Variants in MYEF2 observed in about 807,000 individuals in gnomAD.
MYEF2 encodes the protein myelin expression factor 2, also known as myelin gene expression factor 2.
Under a neutral mutation model 75.2 loss-of-function variants are expected in MYEF2, and 37 were observed. The ratio of observed to expected loss-of-function variants is 0.49; its 90% CI spans 0.38 to 0.65. The LOEUF (loss-of-function observed/expected upper bound fraction) is 0.65. Ranked by LOEUF, MYEF2 falls within the 30% of genes least tolerant of loss-of-function variation. The probability of loss-of-function intolerance (pLI) is 0.00; values close to 1 mark genes in which losing one functional copy is unlikely to be tolerated. For missense variants in MYEF2, 634 were observed against 771.4 expected (o/e 0.82, Z 2.11); for synonymous variants, 195 against 241.6 (o/e 0.81, Z 1.79).
At chr15:48,143,758 G>A (rs1347539885) in intron 16 of MYEF2, among the ~76,000 whole-genome samples, 1 of 152,064 alleles carries the variant, frequency 6.6e-6, no homozygotes, top group African/African-American at 2.4e-5. Flanking sequence ...CAGGAAAGAG[G>A]AAGAAAACCA....
Position 48,135,032 on chromosome 15 carries a change from TTC to T in MYEF2, c.*7874_*7875del. ...TGTAAAAATTAGAGATTTTATGAAT[TTC>T]TGATGGTTCAGTAATTTTTTTTCAG... On this transcript the variant is annotated 3_prime_UTR_variant, in exon 17 of 17. Transcript: ENST00000324324. 2 of 1,426,154 alleles carry T rather than the reference TTC, an allele frequency of 1.4e-6. No homozygotes were observed. Among genetic ancestry groups the T allele is most frequent in the Non-Finnish European group, 2.0e-6 (2 of 1,017,400 alleles). The allele number at this position is 1,426,154 out of a possible 1,614,324, so 88.3% of individuals were successfully genotyped here. A position where few individuals can be genotyped will look rare whatever the true frequency, so the allele number is the denominator to read the frequency against.
Position 48,142,252 on chromosome 15 carries a change from A to G in MYEF2, c.*656T>C, listed in dbSNP as rs771982383. 8 of 1,613,602 alleles carry G rather than the reference A, an allele frequency of 5.0e-6. No individual in the cohort carries two copies. The Admixed American group carries it at 1.3e-4, about 27-fold the overall frequency. Reference sequence around the variant, plus strand: ...GCTGGAAACTAGACAGAAAGTTGGGAATAGTCTGCCTATTATCATACTTGG... The same window carrying G: ...GCTGGAAACTAGACAGAAAGTTGGGGATAGTCTGCCTATTATCATACTTGG... On this transcript the variant is annotated 3_prime_UTR_variant, in exon 17 of 17. Transcript: ENST00000324324.
intron 1 of MYEF2, among the ~76,000 whole-genome samples, chr15:48,170,472 T>C (rs1041488052): frequency 3.9e-5 from 6 of 152,152 alleles, no homozygotes; most frequent in Non-Finnish European, 7.4e-5. Flanking sequence ...TTAAAACTAT[T>C]TTAATAACAA....
chr15:48,166,811 T>C (rs2040147828), intron 3 of MYEF2, among the ~76,000 whole-genome samples: 1 of 152,060 alleles, frequency 6.6e-6, no homozygotes, highest in Non-Finnish European at 1.5e-5. Flanking sequence ...TTCTTCAGTA[T>C]ACTGCATTCT....
At position 48,142,381 on chromosome 15, in the gene MYEF2, G is replaced by A; in HGVS notation, c.*527C>T. On this transcript the variant is annotated 3_prime_UTR_variant, in exon 17 of 17. Transcript: ENST00000324324. ...ATTAATAGTGTTATGCAGAAAATAT[G>A]AATGGCAGGGAGGGGCAGAGAGAAA... 1 of 1,387,510 alleles carries A rather than the reference G, an allele frequency of 7.2e-7. No homozygotes were observed. The highest frequency in any genetic ancestry group is 1.4e-5 in the African/African-American group (1 of 69,356). The allele number at this position is 1,387,510 out of a possible 1,614,324, so 85.9% of individuals were successfully genotyped here. A position where few individuals can be genotyped will look rare whatever the true frequency, so the allele number is the denominator to read the frequency against.
At chr15:48,160,423 GT>G (rs1171415055) in intron 5 of MYEF2, among the ~76,000 whole-genome samples, 1 of 150,438 alleles carries the variant, frequency 6.6e-6, no homozygotes, top group Non-Finnish European at 1.5e-5. Context: ...ATTAAACATT[GT>G]TTTTTTGTTA....
rs775536844 is a variant in MYEF2, at chr15:48,151,591, A to G, written c.1208-20T>C. On this transcript the variant is annotated intron_variant, in intron 12 of 16. Coordinates refer to ENST00000324324, the MANE Select transcript of MYEF2 (RefSeq NM_016132.5). ...ACAGCTCTGAAAAAATTGTGCAACA[A>G]ATTAACCTTTTCAAATATATCAATA... 6.3e-7 allele frequency: 1 copy of G among 1,585,132 alleles called. No individual in the cohort carries two copies. Among genetic ancestry groups the G allele is most frequent in the East Asian group, 2.2e-5 (1 of 44,766 alleles).
At position 48,178,258 on chromosome 15, in the gene MYEF2, C is replaced by T; in HGVS notation, c.-21G>A. Reference sequence around the variant, plus strand: ...GCCATCCCGCCGCCGCTGCCTCCGCCTCGGCCGCCTGAGCTGAGGGGCTCC... The same window carrying T: ...GCCATCCCGCCGCCGCTGCCTCCGCTTCGGCCGCCTGAGCTGAGGGGCTCC... On this transcript the variant is annotated 5_prime_UTR_variant, in exon 1 of 17. Transcript: ENST00000324324. 7.2e-7 allele frequency: 1 copy of T among 1,384,324 alleles called. No individual in the cohort carries two copies. The highest frequency in any genetic ancestry group is 9.3e-7 in the Non-Finnish European group (1 of 1,074,576). 85.8% of individuals were successfully genotyped at this position (1,384,324 alleles called of 1,614,324 possible).
chr15:48,164,448 C>T (rs1024281074), intron 5 of MYEF2, among the ~76,000 whole-genome samples: 1 of 152,152 alleles, frequency 6.6e-6, no homozygotes, highest in Non-Finnish European at 1.5e-5. Context: ...GGAATCTACA[C>T]CTGGTGAATA....
At position 48,141,097 on chromosome 15, in the gene MYEF2, T is replaced by C. The variant is rs752761267; in HGVS notation, c.*1811A>G. 3 of 1,584,802 alleles carry C rather than the reference T, an allele frequency of 1.9e-6. No individual in the cohort carries two copies. Among genetic ancestry groups the C allele is most frequent in the Non-Finnish European group, 2.6e-6 (3 of 1,156,030 alleles). The stretch of plus-strand genomic sequence containing the variant: ...AATCTTTAAGATTTGTAACTTGAAA[T>C]ATCTGTTTATTACAGGGGAAACACT... On this transcript the variant is annotated 3_prime_UTR_variant, in exon 17 of 17. Coordinates refer to ENST00000324324, the MANE Select transcript of MYEF2 (RefSeq NM_016132.5).
Position 48,142,099 on chromosome 15 carries a change from A to G in MYEF2, c.*809T>C. On this transcript the variant is annotated 3_prime_UTR_variant, in exon 17 of 17. Transcript: ENST00000324324. ...TTGATATGTTGTGCCTTGGTATTCC[A>G]TGGTTTATTAAAACTGCATTTATAA... The G allele has an allele frequency of 1.9e-6, 3 of 1,613,904 alleles. No homozygotes were observed. Among genetic ancestry groups the G allele is most frequent in the African/African-American group, 1.3e-5 (1 of 75,060 alleles).
At position 48,157,974 on chromosome 15, in the gene MYEF2, C is replaced by T; in HGVS notation, c.985+19G>A. On this transcript the variant is annotated intron_variant, in intron 9 of 16. Coordinates refer to ENST00000324324, the MANE Select transcript of MYEF2 (RefSeq NM_016132.5). ...ACCAAAAAAAGCCTATGTTGTTTCT[C>T]ATAATAGCTTTTACTTACGTGGTAA... is the stretch of plus-strand genomic sequence containing the variant. 2.5e-6 allele frequency: 4 copies of T among 1,612,508 alleles called. No homozygotes were observed. Among genetic ancestry groups the T allele is most frequent in the Non-Finnish European group, 3.4e-6 (4 of 1,179,036 alleles).
intron 5 of MYEF2, among the ~76,000 whole-genome samples, chr15:48,164,081 G>T (rs2040049675): frequency 6.6e-6 from 1 of 152,170 alleles, no homozygotes; most frequent in South Asian, 2.1e-4. Context: ...AATACAATTT[G>T]TAAGGCTATT....
intron 1 of MYEF2, among the ~76,000 whole-genome samples, chr15:48,170,236 C>A (rs1328829278): frequency 6.6e-6 from 1 of 152,062 alleles, no homozygotes; most frequent in African/African-American, 2.4e-5. Context: ...AGGAATTCTC[C>A]TTCCTCAGCC....
Position 48,136,760 on chromosome 15 carries a change from A to G in MYEF2, c.*6148T>C. The G allele has an allele frequency of 6.2e-7, 1 of 1,613,588 alleles. No homozygotes were observed. Among genetic ancestry groups the G allele is most frequent in the Non-Finnish European group, 8.5e-7 (1 of 1,179,746 alleles). The stretch of plus-strand genomic sequence containing the variant: ...TGTTTTGACATTAAAATTAACCAAT[A>G]TATTATAAAGAAATGCAGTCCTTGC... On this transcript the variant is annotated 3_prime_UTR_variant, in exon 17 of 17. Coordinates refer to ENST00000324324, the MANE Select transcript of MYEF2 (RefSeq NM_016132.5).
intron 5 of MYEF2, among the ~76,000 whole-genome samples, chr15:48,164,800 C>T (rs1455328379): frequency 1.3e-5 from 2 of 152,256 alleles, no homozygotes; most frequent in African/African-American, 4.8e-5. Context: ...CTAGCATTTT[C>T]AGCAATAAAG....
chr15:48,173,889 G>A (rs930007417), intron 1 of MYEF2, among the ~76,000 whole-genome samples: 2 of 151,942 alleles, frequency 1.3e-5, no homozygotes, highest in Non-Finnish European at 2.9e-5. Context: ...ACAGATGAGA[G>A]GAATTAATAT....
intron 1 of MYEF2, among the ~76,000 whole-genome samples, chr15:48,171,510 AT>A (rs5812434): frequency 0.97 from 148,203 of 152,062 alleles, 72,347 homozygotes; most frequent in Middle Eastern, 1. Flanking sequence ...AAATTTCTTC[AT>A]TTTTCCCCCA....
chr15:48,151,450 G>A lies in MYEF2; in HGVS notation c.1306+23C>T, dbSNP rs571285817. On this transcript the variant is annotated intron_variant, in intron 13 of 16. Transcript: ENST00000324324. ...AAATTATAGCCTACAAAAAGAAAAGGAGAAGTATGCAGCCAGCCCTACCAA... is the reference window on the plus strand; with the variant it reads ...AAATTATAGCCTACAAAAAGAAAAGAAGAAGTATGCAGCCAGCCCTACCAA... 35 of 1,588,384 alleles carry A rather than the reference G, an allele frequency of 2.2e-5. No individual in the cohort carries two copies. In the East Asian group the frequency reaches 6.0e-4, roughly 27 times the overall value.
Sources: gnomAD v4.1 joint callset for allele counts (sites outside exome capture counted in the v4.1 genomes callset) on GRCh38, gnomAD v4.1.1 for gene constraint, MANE v1.5 for transcripts, NCBI Gene and HGNC (gene_info 2026-07-23, HGNC 2026-07-21) for gene names.